Variants in ZNF804A observed in about 807,000 individuals in gnomAD.
ZNF804A encodes zinc finger protein 804A.
In ZNF804A, 2 loss-of-function variants were observed where a neutral mutation model predicts 16.5. The observed-to-expected ratio is 0.12, with a 90% confidence interval of 0.05 to 0.38. The LOEUF (loss-of-function observed/expected upper bound fraction) is 0.38. Ranked by LOEUF, ZNF804A falls within the 10% of genes least tolerant of loss-of-function variation. The pLI is 0.99. For synonymous variants in ZNF804A, 534 were observed against 489.6 expected (o/e 1.09, Z -1.20); for missense variants, 1,473 against 1,390.7 (o/e 1.06, Z -0.94).
At chr2:184,754,578 T>A (rs1256862922) in intron 1 of ZNF804A, among the ~76,000 whole-genome samples, 2 of 151,900 alleles carry the variant, frequency 1.3e-5, no homozygotes, top group Non-Finnish European at 2.9e-5. Flanking sequence ...AAGTGTTTTG[T>A]TTATTCTACT....
chr2:184,751,690 G>T (rs1693880085), intron 1 of ZNF804A, among the ~76,000 whole-genome samples: 2 of 151,682 alleles, frequency 1.3e-5, no homozygotes, highest in Admixed American at 1.3e-4. Flanking sequence ...AGAGTAAACA[G>T]ACAACCATTG....
At chr2:184,836,229 T>C (rs765645071) in intron 1 of ZNF804A, among the ~76,000 whole-genome samples, 17 of 152,110 alleles carry the variant, frequency 1.1e-4, no homozygotes, top group Non-Finnish European at 1.9e-4. Flanking sequence ...AGAAAAAGGA[T>C]AGATAATGAG....
intron 1 of ZNF804A, among the ~76,000 whole-genome samples, chr2:184,717,008 C>T (rs1013636629): frequency 3.3e-5 from 5 of 152,102 alleles, no homozygotes; most frequent in Non-Finnish European, 7.4e-5. Flanking sequence ...CCTGTCATAA[C>T]TCCTCTCTAA....
At chr2:184,765,861 T>C (rs944802831) in intron 1 of ZNF804A, among the ~76,000 whole-genome samples, 1 of 152,158 alleles carries the variant, frequency 6.6e-6, no homozygotes, top group African/African-American at 2.4e-5. Flanking sequence ...CAACAAGTAG[T>C]ATTTTATTTA....
At chr2:184,607,725 C>G (rs1048498527) in intron 1 of ZNF804A, among the ~76,000 whole-genome samples, 3 of 151,982 alleles carry the variant, frequency 2.0e-5, no homozygotes, top group African/African-American at 7.3e-5. Flanking sequence ...TGAATTTAAG[C>G]AAATGAGCTT....
At chr2:184,884,995 T>G (rs946737150) in intron 2 of ZNF804A, among the ~76,000 whole-genome samples, 2 of 151,878 alleles carry the variant, frequency 1.3e-5, no homozygotes, top group African/African-American at 4.8e-5. Context: ...TTAAACAAAT[T>G]TATAAGAACA....
At chr2:184,611,896 C>T (rs1166994872) in intron 1 of ZNF804A, among the ~76,000 whole-genome samples, 1 of 152,192 alleles carries the variant, frequency 6.6e-6, no homozygotes, top group Admixed American at 6.5e-5. Flanking sequence ...ATTTTAGTCA[C>T]ATGTGATACA....
intron 1 of ZNF804A, among the ~76,000 whole-genome samples, chr2:184,709,295 T>A (rs890627732): frequency 2.0e-5 from 3 of 152,086 alleles, no homozygotes; most frequent in Non-Finnish European, 4.4e-5. Context: ...CTTCTTTTAC[T>A]CTCACAAATG....
At chr2:184,863,119 T>TA (rs1695824059) in intron 1 of ZNF804A, among the ~76,000 whole-genome samples, 1 of 152,156 alleles carries the variant, frequency 6.6e-6, no homozygotes, top group South Asian at 2.1e-4. Flanking sequence ...TTATTGAAGC[T>TA]GAATAGTGGA....
At chr2:184,746,372 G>A (rs182252842) in intron 1 of ZNF804A, among the ~76,000 whole-genome samples, 12 of 150,910 alleles carry the variant, frequency 8.0e-5, no homozygotes, top group Non-Finnish European at 5.9e-5. Flanking sequence ...GATTATATTC[G>A]CTACCACTAT....
intron 1 of ZNF804A, among the ~76,000 whole-genome samples, chr2:184,723,639 T>C (rs1693358627): frequency 6.6e-6 from 1 of 151,768 alleles, no homozygotes; most frequent in South Asian, 2.1e-4. Flanking sequence ...AAACATTTTT[T>C]AAGTAAGCTC....
intron 2 of ZNF804A, among the ~76,000 whole-genome samples, chr2:184,907,791 T>A (rs766459501): frequency 7.2e-5 from 11 of 152,176 alleles, no homozygotes; most frequent in Admixed American, 6.6e-5. Flanking sequence ...AATTATGCCA[T>A]ATAATTGCAC....
At chr2:184,826,503 TA>T (rs755678924) in intron 1 of ZNF804A, among the ~76,000 whole-genome samples, 2 of 152,140 alleles carry the variant, frequency 1.3e-5, no homozygotes, top group Admixed American at 6.6e-5. Context: ...TGAAATTGTT[TA>T]AAAATTATTG....
At chr2:184,599,432 A>AG (rs776771168) in intron 1 of ZNF804A, among the ~76,000 whole-genome samples, 3 of 152,176 alleles carry the variant, frequency 2.0e-5, no homozygotes, top group African/African-American at 4.8e-5. Flanking sequence ...AGGAGGCTGA[A>AG]GGTGAATGAG....
Position 184,936,957 on chromosome 2 carries a change from A to T in ZNF804A, c.1561A>T (p.Ser521Cys), listed in dbSNP as rs146785509. 1.3e-3 allele frequency: 2,153 copies of T among 1,614,014 alleles called. 2 individuals carry two copies. Among genetic ancestry groups the T allele is most frequent in the Non-Finnish European group, 1.6e-3 (1,917 of 1,179,950 alleles). The change falls in exon 4 of 4, where the codon AGC (serine) becomes TGC (cysteine). Residue 521 changes from serine to cysteine, a missense_variant. Transcript: ENST00000302277. ...AATTGGAAGTAGCAAAAATAAATGC[A>T]GCCAAGTCACTCCTCTTTTGGCTGA... ...YEIGSSKNKC[S>C]QVTPLLADDI...
At chr2:184,791,202 G>T (rs1574214164) in intron 1 of ZNF804A, among the ~76,000 whole-genome samples, 3 of 152,118 alleles carry the variant, frequency 2.0e-5, no homozygotes, top group Non-Finnish European at 4.4e-5. Context: ...GTGAGATTTT[G>T]TTACTGATGT....
chr2:184,731,268 A>C (rs1187717159), intron 1 of ZNF804A, among the ~76,000 whole-genome samples: 1 of 147,330 alleles, frequency 6.8e-6, no homozygotes, highest in South Asian at 2.1e-4. Context: ...AAAAAAAAAA[A>C]AAAAAAAAAA....
chr2:184,632,089 T>C (rs953087046), intron 1 of ZNF804A, among the ~76,000 whole-genome samples: 1 of 152,032 alleles, frequency 6.6e-6, no homozygotes, highest in Non-Finnish European at 1.5e-5. Context: ...ATTTTCATAC[T>C]GATGTTGGGA....
chr2:184,731,314 G>A (rs1420723378), intron 1 of ZNF804A, among the ~76,000 whole-genome samples: 1 of 141,218 alleles, frequency 7.1e-6, no homozygotes, highest in African/African-American at 2.6e-5. Flanking sequence ...GCTAAACTGT[G>A]TTCCAAAGTG....
Sources: allele counts gnomAD v4.1 joint callset (sites outside exome capture counted in the v4.1 genomes callset), GRCh38; gene constraint gnomAD v4.1.1; transcripts MANE v1.5; gene names NCBI Gene and HGNC (gene_info 2026-07-23, HGNC 2026-07-21).